The following RAD52 variants were observed in gnomAD, a reference collection of about 807,000 sequenced individuals.
The protein encoded by RAD52 is DNA repair protein RAD52 homolog.
A neutral mutation model predicts 55.5 loss-of-function variants in RAD52; 47 were observed. The ratio of observed to expected loss-of-function variants is 0.85; its 90% CI spans 0.67 to 1.08. RAD52 has a LOEUF of 1.08. RAD52 is among the 50% of genes least tolerant of loss of function. RAD52 has a pLI of 0.00. For synonymous variants in RAD52, 184 were observed against 198.9 expected (o/e 0.92, Z 0.63); for missense variants, 468 against 522.8 (o/e 0.90, Z 1.02).
At chr12:977,314 A>G (rs982891352) in intron 1 of RAD52, among the ~76,000 whole-genome samples, 1 of 152,176 alleles carries the variant, frequency 6.6e-6, no homozygotes, top group Non-Finnish European at 1.5e-5. Flanking sequence ...CATGTGCCAT[A>G]CTGAAGTTAC....
Position 912,522 on chromosome 12 carries a change from T to C in RAD52, c.*869A>G, listed in dbSNP as rs961456887. On this transcript the variant is annotated 3_prime_UTR_variant, in exon 12 of 12. Transcript: ENST00000358495. ...TCAAGCATTTCAGATAAGCAATATA[T>C]ATATATTCTATTTTGTTAATAAGGT... 7 of 152,962 alleles carry C rather than the reference T, an allele frequency of 4.6e-5. No individual in the cohort carries two copies. Among genetic ancestry groups the C allele is most frequent in the African/African-American group, 1.7e-4 (6 of 35,420 alleles). The allele number at this position is 152,962 out of a possible 1,614,324, so 9.5% of individuals were successfully genotyped here.
At chr12:939,052 T>TTGTGTGTGTGTGTGTGTG (rs1555176185) in intron 1 of RAD52, among the ~76,000 whole-genome samples, 3 of 141,048 alleles carry the variant, frequency 2.1e-5, no homozygotes, top group Non-Finnish European at 4.6e-5. Flanking sequence ...ATTCAACTAA[T>TTGTGTGTGTGTGTGTGTG]TGTGTGTGTG....
intron 1 of RAD52, among the ~76,000 whole-genome samples, chr12:978,267 C>A (rs978093002): frequency 2.7e-4 from 41 of 151,862 alleles, no homozygotes; most frequent in Middle Eastern, 6.3e-3. Flanking sequence ...GTTGGTCAGG[C>A]TGGTCTCGAA....
At chr12:941,641 T>C (rs1957927389) in intron 1 of RAD52, among the ~76,000 whole-genome samples, 1 of 150,464 alleles carries the variant, frequency 6.6e-6, no homozygotes, top group Non-Finnish European at 1.5e-5. Flanking sequence ...TTTATTATTA[T>C]TATTTTTTGA....
chr12:934,161 C>T (rs1249279840), intron 1 of RAD52, among the ~76,000 whole-genome samples: 1 of 151,042 alleles, frequency 6.6e-6, no homozygotes, highest in East Asian at 1.9e-4. Context: ...TATTCAGCTT[C>T]TCCAAGAGAA....
At chr12:917,540 T>C (rs1456130638) in intron 7 of RAD52, among the ~76,000 whole-genome samples, 7 of 152,118 alleles carry the variant, frequency 4.6e-5, no homozygotes, top group Admixed American at 4.6e-4. Context: ...ATGAAAATTA[T>C]AGTGCAGATT....
upstream of RAD52, among the ~76,000 whole-genome samples, chr12:953,002 G>GGGAGGGGGGGGGGGGAGGGGGGAA (rs1958555490): frequency 2.8e-4 from 1 of 3,518 alleles, no homozygotes; most frequent in Admixed American, 2.3e-3. Context: ...GAGAGGGGGA[G>GGGAGGGGGGGGGGGGAGGGGGGAA]GGGAGGGGGA....
chr12:914,369 G>C (rs1333157382), intron 10 of RAD52, 62 bp downstream of exon 10: 1 of 1,596,530 alleles, frequency 6.3e-7, no homozygotes, highest in African/African-American at 1.3e-5. Context: ...TCGCCTAAAA[G>C]GTATTCTGTG....
At chr12:965,049 G>A (rs1027414491) in intron 1 of RAD52, among the ~76,000 whole-genome samples, 2 of 151,540 alleles carry the variant, frequency 1.3e-5, no homozygotes, top group Admixed American at 6.6e-5. Context: ...GCGCCATCTT[G>A]GCTCACTGCA....
upstream of RAD52, chr12:990,417 C>T (rs1233615053): frequency 6.6e-6 from 1 of 152,078 alleles, no homozygotes; most frequent in Non-Finnish European, 1.5e-5. Flanking sequence ...ACGAGAAAAT[C>T]GGGTTGCACC....
upstream of RAD52, chr12:949,751 A>C (rs1259829786): frequency 1.3e-5 from 2 of 149,052 alleles, no homozygotes; most frequent in African/African-American, 4.9e-5. Context: ...CCAGCGCCGG[A>C]GGGGGAAAAA....
At chr12:945,039 T>A (rs904519492) in intron 1 of RAD52, among the ~76,000 whole-genome samples, 10 of 152,108 alleles carry the variant, frequency 6.6e-5, no homozygotes, top group Admixed American at 2.6e-4. Context: ...CATGAAACTT[T>A]AAAAAAATTA....
At chr12:976,795 T>A (rs1958940054) in intron 1 of RAD52, 1 of 152,200 alleles carries the variant, frequency 6.6e-6, no homozygotes, top group Non-Finnish European at 1.5e-5. Context: ...CTTCCTGCAG[T>A]AGACAAACAG....
At chr12:967,294 G>A (rs1373157845) in intron 1 of RAD52, among the ~76,000 whole-genome samples, 1 of 150,882 alleles carries the variant, frequency 6.6e-6, no homozygotes. Context: ...TGGGAGGATC[G>A]CTTGAGCCCA....
rs192866942 is a variant in RAD52 at position 918,408 on chromosome 12, G to T, written c.544-1588C>A. Among the ~76,000 whole-genome samples, 87 of 151,996 alleles carry T rather than the reference G, an allele frequency of 5.7e-4. No individual in the cohort carries two copies. In the East Asian group the frequency reaches 0.015, roughly 26 times the overall value. ...GGTGGCTTTCTTTGTTTTTTGTTTT[G>T]TTTTTTGAGAGAGGGTCTCGCTCTG... On this transcript the variant is annotated intron_variant, in intron 7 of 11. Transcript: ENST00000358495.
At chr12:949,062 A>AT (rs1199240397) in intron 1 of RAD52, among the ~76,000 whole-genome samples, 1 of 151,542 alleles carries the variant, frequency 6.6e-6, no homozygotes, top group Non-Finnish European at 1.5e-5. Context: ...TTTTATTTTT[A>AT]TTTTTTCCCC....
At chr12:981,930 C>T (rs963025662) in intron 1 of RAD52, among the ~76,000 whole-genome samples, 5 of 152,190 alleles carry the variant, frequency 3.3e-5, no homozygotes, top group South Asian at 2.1e-4. Context: ...GGGGAGGCAG[C>T]ATCACCACGT....
At chr12:916,894 T>C in intron 7 of RAD52, 74 bp from the exon 8 acceptor site, 1 of 1,536,002 alleles carries the variant, frequency 6.5e-7, no homozygotes, top group South Asian at 1.2e-5. Flanking sequence ...ACTCACAGAT[T>C]GCGATTCCTG....
chr12:982,931 C>G (rs1959038425), intron 1 of RAD52, among the ~76,000 whole-genome samples: 2 of 152,040 alleles, frequency 1.3e-5, no homozygotes, highest in Admixed American at 1.3e-4. Context: ...CTCACTGCAA[C>G]CTCCACCTCC....
Sources: gnomAD v4.1 joint callset for allele counts (sites outside exome capture counted in the v4.1 genomes callset) on GRCh38, gnomAD v4.1.1 for gene constraint, MANE v1.5 for transcripts, NCBI Gene and HGNC (gene_info 2026-07-23, HGNC 2026-07-21) for gene names.